ZNF10: variants seen among roughly 807,000 people sequenced by gnomAD.
ZNF10 encodes zinc finger protein 10 (KOX 1).
ZNF10 carries 8 observed loss-of-function variants against 12.2 expected under a neutral mutation model. The observed-to-expected ratio is 0.66, with a 90% CI of 0.39 to 1.18. ZNF10 has a LOEUF of 1.18. ZNF10 is among the 50% of genes most tolerant of loss of function. The pLI, the probability that ZNF10 is intolerant of heterozygous loss-of-function variation, is 0.01. For missense variants in ZNF10, 603 were observed against 678.9 expected, an observed-to-expected ratio of 0.89 and a Z score of 1.24; for synonymous variants, 229 against 228.2, an observed-to-expected ratio of 1.00 and a Z score of -0.03.
rs1330562594 is a variant in ZNF10, at chr12:133,157,467, A to C, written c.*499A>C. ...GTTTTATGTGTCTGGTAGAAACCAT[A>C]TTTTGGTTAACAGCAAGAAAAATGC... On this transcript the variant is annotated 3_prime_UTR_variant, in exon 5 of 5. Coordinates refer to ENST00000248211, the MANE Select transcript of ZNF10 (RefSeq NM_015394.5). 1 of 152,304 alleles carries C rather than the reference A, an allele frequency of 6.6e-6. No homozygotes were observed. Among genetic ancestry groups the C allele is most frequent in the African/African-American group, 2.4e-5 (1 of 41,456 alleles). The allele number at this position is 152,304 out of a possible 1,614,324, so 9.4% of individuals were successfully genotyped here. A position where few individuals can be genotyped will look rare whatever the true frequency, so the allele number is the denominator to read the frequency against.
At chr12:133,151,687 C>T (rs1448414919) in intron 3 of ZNF10, 122 bp from the exon 4 acceptor site, 3 of 590,310 alleles carry the variant, frequency 5.1e-6, no homozygotes, top group African/African-American at 1.9e-5. Context: ...CCTCTGTCAA[C>T]TTTAGAGTCC....
intron 1 of ZNF10, among the ~76,000 whole-genome samples, chr12:133,136,734 A>C (rs1197679472): frequency 1.3e-5 from 2 of 152,144 alleles, no homozygotes; most frequent in African/African-American, 2.4e-5. Flanking sequence ...TCCTTTATTC[A>C]TGTGTTTACT....
intron 1 of ZNF10, among the ~76,000 whole-genome samples, chr12:133,136,027 A>G (rs530557889): frequency 2.0e-5 from 3 of 152,322 alleles, no homozygotes; most frequent in Admixed American, 1.3e-4. Context: ...TCTCATTGTT[A>G]GCAAATAGCC....
intron 2 of ZNF10, among the ~76,000 whole-genome samples, chr12:133,144,739 T>G (rs1955965794): frequency 6.6e-6 from 1 of 152,128 alleles, no homozygotes; most frequent in East Asian, 1.9e-4. Context: ...ATATACAAAA[T>G]AAAAATAGTA....
At chr12:133,150,961 A>G in intron 2 of ZNF10, 67 bp from the exon 3 acceptor site, 2 of 1,542,312 alleles carry the variant, frequency 1.3e-6, no homozygotes, top group Non-Finnish European at 1.8e-6. Flanking sequence ...TCTTCCTGTT[A>G]GCGATCAGGA....
intron 1 of ZNF10, among the ~76,000 whole-genome samples, chr12:133,134,788 A>G (rs1257771534): frequency 1.4e-5 from 2 of 143,424 alleles, no homozygotes; most frequent in Non-Finnish European, 3.0e-5. Context: ...TTATTGTAAC[A>G]TTTATGTTCA....
Position 133,155,750 on chromosome 12 carries a change from A to G in ZNF10, c.504A>G (p.Lys168=), listed in dbSNP as rs772934514. The change falls in exon 5 of 5, where the codon AAA becomes AAG. Residue 168 remains lysine (K), a synonymous_variant. Coordinates refer to ENST00000248211, the MANE Select transcript of ZNF10 (RefSeq NM_015394.5). ...LTQERVSESG[K]YGGNCLLPAQ... is the part of the protein sequence containing the mutation. ...AGGAGAGAGTCTCTGAAAGTGGTAA[A>G]TATGGGGGAAACTGTCTTCTTCCTG... 1.9e-6 allele frequency: 3 copies of G among 1,612,964 alleles called. No individual in the cohort carries two copies. The highest frequency in any genetic ancestry group is 2.5e-6 in the Non-Finnish European group (3 of 1,179,628).
At chr12:133,143,764 C>T (rs117592781) in intron 1 of ZNF10, 2,238 of 152,364 alleles carry the variant, frequency 0.015, 31 homozygotes, top group Non-Finnish European at 0.021. Context: ...TGGTCAGAAG[C>T]GGTGCAAGCA....
At chr12:133,138,561 C>T (rs889843486) in intron 1 of ZNF10, among the ~76,000 whole-genome samples, 1 of 152,104 alleles carries the variant, frequency 6.6e-6, no homozygotes, top group Non-Finnish European at 1.5e-5. Flanking sequence ...TTGTAATTGA[C>T]TTCTTTGTAA....
chr12:133,135,639 G>T (rs912881588), intron 1 of ZNF10, among the ~76,000 whole-genome samples: 13 of 151,992 alleles, frequency 8.6e-5, no homozygotes, highest in African/African-American at 2.4e-4. Context: ...TGTTCTCCTG[G>T]CTCTTTTTAT....
At chr12:133,152,062 T>G (rs192032685) in intron 4 of ZNF10, among the ~76,000 whole-genome samples, 158 bp downstream of exon 4, 3 of 152,334 alleles carry the variant, frequency 2.0e-5, no homozygotes, top group Admixed American at 1.3e-4. Context: ...AGTCTTTACA[T>G]TCCATTTGCA....
At position 133,156,656 on chromosome 12, in the gene ZNF10, C is replaced by T; in HGVS notation, c.1410C>T (p.Phe470=). The stretch of plus-strand genomic sequence containing the variant: ...AGTGTCATGATTGTGGAAAATCTTT[C>T]AGCCAGAGTTCTGCCCTTATTGTGC... The part of the protein sequence containing the change: ...PYECHDCGKS[F]SQSSALIVHQ... The change falls in exon 5 of 5, where the codon TTC becomes TTT. Residue 470 remains phenylalanine, a synonymous_variant. Transcript: ENST00000248211. 2 of 1,614,106 alleles carry T rather than the reference C, an allele frequency of 1.2e-6. No individual in the cohort carries two copies. Among genetic ancestry groups the T allele is most frequent in the Non-Finnish European group, 1.7e-6 (2 of 1,180,002 alleles).
At chr12:133,146,083 G>T (rs991469070) in intron 2 of ZNF10, among the ~76,000 whole-genome samples, 1 of 152,168 alleles carries the variant, frequency 6.6e-6, no homozygotes, top group Non-Finnish European at 1.5e-5. Flanking sequence ...AGTGAGTCAA[G>T]GACTAGTGGA....
intron 2 of ZNF10, among the ~76,000 whole-genome samples, chr12:133,149,379 A>G (rs1297623266): frequency 3.1e-5 from 3 of 95,860 alleles, no homozygotes; most frequent in African/African-American, 9.0e-5. Context: ...TTTTTTTTAG[A>G]CAGGTTCTCA....
At chr12:133,146,912 C>G (rs1205851870) in intron 2 of ZNF10, among the ~76,000 whole-genome samples, 1 of 152,020 alleles carries the variant, frequency 6.6e-6, no homozygotes, top group Non-Finnish European at 1.5e-5. Flanking sequence ...TGTGCTGCCC[C>G]TGTGTATATA....
rs1956052035 is a variant in ZNF10 at position 133,157,870 on chromosome 12, C to G, written c.*902C>G. On this transcript the variant is annotated 3_prime_UTR_variant, in exon 5 of 5. Coordinates refer to ENST00000248211, the MANE Select transcript of ZNF10 (RefSeq NM_015394.5). ...ACAGTAATTCTCTGGATGTTAGGACCTAGGGGAACATTGGGCATTTGAACA... is the reference window on the plus strand; with the variant it reads ...ACAGTAATTCTCTGGATGTTAGGACGTAGGGGAACATTGGGCATTTGAACA... The G allele has an allele frequency of 1.3e-5, 2 of 152,132 alleles. No individual in the cohort carries two copies. The highest frequency in any genetic ancestry group is 4.1e-4 in the South Asian group (2 of 4,830). The allele number at this position is 152,132 out of a possible 1,614,324, so 9.4% of individuals were successfully genotyped here.
At chr12:133,138,952 A>G (rs1955928772) in intron 1 of ZNF10, among the ~76,000 whole-genome samples, 1 of 152,232 alleles carries the variant, frequency 6.6e-6, no homozygotes, top group Non-Finnish European at 1.5e-5. Flanking sequence ...CATCCATACA[A>G]AGTACATATA....
chr12:133,137,031 A>G (rs1430169267), intron 1 of ZNF10, among the ~76,000 whole-genome samples: 1 of 152,114 alleles, frequency 6.6e-6, no homozygotes, highest in Non-Finnish European at 1.5e-5. Context: ...CCCTTCTGAT[A>G]TTGTTCTCCA....
Position 133,155,947 on chromosome 12 carries a change from G to A in ZNF10, c.701G>A (p.Gly234Asp). Residue 234 changes from glycine (G) to aspartate (D), a missense_variant, in exon 5 of 5, where the codon GGT becomes GAT. Transcript: ENST00000248211. ...ATTCAGTTTGCAAGAACTCACACAGGTGATAAATCCTACAAATGCCCTGAT... is the reference window on the plus strand; with the variant it reads ...ATTCAGTTTGCAAGAACTCACACAGATGATAAATCCTACAAATGCCCTGAT... ...HLIQFARTHT[G>D]DKSYKCPDND... 1.2e-6 allele frequency: 2 copies of A among 1,614,036 alleles called. No individual in the cohort carries two copies. Among genetic ancestry groups the A allele is most frequent in the South Asian group, 1.1e-5 (1 of 91,080 alleles).
Sources: allele counts gnomAD v4.1 joint callset (sites outside exome capture counted in the v4.1 genomes callset), GRCh38; gene constraint gnomAD v4.1.1; transcripts MANE v1.5; gene names NCBI Gene and HGNC (gene_info 2026-07-23, HGNC 2026-07-21).